The following GNAL variants were observed in gnomAD, a reference collection of about 807,000 sequenced individuals.
GNAL encodes guanine nucleotide-binding protein G(olf) subunit alpha.
GNAL carries 18 observed loss-of-function variants against 55.1 expected under a neutral mutation model. The ratio of observed to expected loss-of-function variants is 0.33; its 90% CI spans 0.23 to 0.48. GNAL has a LOEUF of 0.48. Ranked by LOEUF, GNAL falls within the 20% of genes least tolerant of loss-of-function variation. GNAL has a pLI of 0.99. For synonymous variants in GNAL, 253 were observed against 237.0 expected, an observed-to-expected ratio of 1.07 and a Z score of -0.62; for missense variants, 412 against 614.1, an observed-to-expected ratio of 0.67 and a Z score of 3.48.
At chr18:11,721,256 C>T (rs547032292) in intron 1 of GNAL, among the ~76,000 whole-genome samples, 10 of 152,302 alleles carry the variant, frequency 6.6e-5, no homozygotes, top group African/African-American at 1.9e-4. Context: ...CAGATTCAAA[C>T]ATTGTCCGCA....
intron 4 of GNAL, among the ~76,000 whole-genome samples, chr18:11,782,616 G>A (rs1032528803): frequency 1.2e-4 from 18 of 152,110 alleles, no homozygotes; most frequent in African/African-American, 4.3e-4. Flanking sequence ...TAAAATATTG[G>A]TTATTGATCC....
At chr18:11,732,973 G>A (rs2032373563) in intron 1 of GNAL, among the ~76,000 whole-genome samples, 1 of 152,190 alleles carries the variant, frequency 6.6e-6, no homozygotes, top group South Asian at 2.1e-4. Flanking sequence ...AGCTTTCTGG[G>A]CAGTGATTAA....
chr18:11,719,805 A>G (rs2032052960), intron 1 of GNAL, among the ~76,000 whole-genome samples: 1 of 152,150 alleles, frequency 6.6e-6, no homozygotes, highest in Admixed American at 6.5e-5. Flanking sequence ...CGCTCACACC[A>G]TGCTGCAGCG....
At chr18:11,851,017 A>G (rs1368546991) in intron 5 of GNAL, among the ~76,000 whole-genome samples, 1 of 152,220 alleles carries the variant, frequency 6.6e-6, no homozygotes, top group Non-Finnish European at 1.5e-5. Context: ...GTTAGTGCGA[A>G]GACCTAGCTG....
intron 1 of GNAL, among the ~76,000 whole-genome samples, chr18:11,749,567 C>T (rs1473192471): frequency 1.3e-5 from 2 of 152,158 alleles, no homozygotes; most frequent in East Asian, 1.9e-4. Flanking sequence ...AACCAGGTAC[C>T]GGTGCCGCAG....
intron 4 of GNAL, among the ~76,000 whole-genome samples, chr18:11,818,964 G>C (rs563336191): frequency 2.6e-4 from 39 of 152,302 alleles, no homozygotes; most frequent in Admixed American, 1.3e-3. Flanking sequence ...CCACAGGGCA[G>C]GGCTCAGTGT....
At position 11,716,896 on chromosome 18, in the gene GNAL, C is replaced by T. The variant is rs28888408; in HGVS notation, c.376+26957C>T. Reference sequence around the variant, plus strand: ...CCAGCTGGCTTCACCCAGTGGATCCCGCACGGGGGCTGCAGGTGGAGCTGC... The same window carrying T: ...CCAGCTGGCTTCACCCAGTGGATCCTGCACGGGGGCTGCAGGTGGAGCTGC... On this transcript the variant is annotated intron_variant, in intron 1 of 11. Coordinates refer to ENST00000334049, the MANE Select transcript of GNAL (RefSeq NM_182978.4). Among the ~76,000 whole-genome samples the T allele has an allele frequency of 7.6e-3, 1,152 of 152,358 alleles. 13 individuals carry two copies. The highest frequency in any genetic ancestry group is 0.026 in the African/African-American group (1,085 of 41,580).
chr18:11,827,971 A>G (rs9963378), intron 5 of GNAL, among the ~76,000 whole-genome samples: 44,902 of 149,480 alleles, frequency 0.3, 8,128 homozygotes, highest in African/African-American at 0.5. Flanking sequence ...ACTCCGTCTC[A>G]AGGAAAAAAA....
chr18:11,854,229 C>CA (rs2035950553), intron 5 of GNAL: 1 of 167,072 alleles, frequency 6.0e-6, no homozygotes, highest in Non-Finnish European at 1.5e-5. Flanking sequence ...ATATTCCCAA[C>CA]AAAATTAATA....
intron 4 of GNAL, among the ~76,000 whole-genome samples, chr18:11,757,996 AG>A (rs2033116396): frequency 6.6e-6 from 1 of 152,150 alleles, no homozygotes; most frequent in South Asian, 2.1e-4. Context: ...AGGAAGGCTG[AG>A]GAGCCAGGCA....
chr18:11,856,723 C>T (rs1044716310), intron 5 of GNAL, among the ~76,000 whole-genome samples: 8 of 151,850 alleles, frequency 5.3e-5, no homozygotes, highest in African/African-American at 1.2e-4. Context: ...GTCAGGAGTT[C>T]GAGACCAGCC....
At chr18:11,712,304 G>A (rs184623800) in intron 1 of GNAL, among the ~76,000 whole-genome samples, 2 of 152,294 alleles carry the variant, frequency 1.3e-5, no homozygotes, top group African/African-American at 2.4e-5. Flanking sequence ...TGGTCTTTCT[G>A]GGCACTGTGC....
intron 1 of GNAL, among the ~76,000 whole-genome samples, chr18:11,744,796 G>C (rs1388104916): frequency 6.6e-6 from 1 of 152,130 alleles, no homozygotes; most frequent in African/African-American, 2.4e-5. Flanking sequence ...CTGCAGCCTC[G>C]ACCTCCTGGG....
At chr18:11,857,785 C>A (rs1166313534) in intron 5 of GNAL, 2 of 967,932 alleles carry the variant, frequency 2.1e-6, no homozygotes, top group African/African-American at 1.8e-5. Flanking sequence ...TTTGTCACCA[C>A]GTGAGTAATG....
rs1281105907 is a variant in GNAL at position 11,689,625 on chromosome 18, C to T, written c.62C>T (p.Ala21Val). 5 of 1,360,014 alleles carry T rather than the reference C, an allele frequency of 3.7e-6. No individual in the cohort carries two copies. The highest frequency in any genetic ancestry group is 3.9e-5 in the Admixed American group (1 of 25,634). The allele number at this position is 1,360,014 out of a possible 1,614,324, so 84.2% of individuals were successfully genotyped here. Residue 21 changes from alanine to valine, a missense_variant, in exon 1 of 12, where the codon GCG becomes GTG. Transcript: ENST00000334049. Reference protein sequence around the residue: ...LFGGPGDDPCAASEPPVEDAQ... With the variant: ...LFGGPGDDPCVASEPPVEDAQ... ...GGGGGCCCAGGGGACGACCCCTGCG[C>T]GGCCTCGGAGCCGCCGGTGGAGGAC...
chr18:11,717,366 G>T (rs564101109), intron 1 of GNAL, among the ~76,000 whole-genome samples: 2 of 152,348 alleles, frequency 1.3e-5, no homozygotes, highest in African/African-American at 4.8e-5. Context: ...TGCAGTGGCG[G>T]GTTGAAGGGC....
chr18:11,816,400 G>A (rs961362046), intron 4 of GNAL, among the ~76,000 whole-genome samples: 12 of 152,026 alleles, frequency 7.9e-5, no homozygotes, highest in Admixed American at 1.3e-4. Flanking sequence ...GGGTTCAAGC[G>A]ATTCTCCTGC....
chr18:11,738,891 G>C (rs1418428102), intron 1 of GNAL, among the ~76,000 whole-genome samples: 1 of 152,204 alleles, frequency 6.6e-6, no homozygotes, highest in East Asian at 1.9e-4. Context: ...CAGGACGGCA[G>C]TGACCTGGGG....
Position 11,753,798 on chromosome 18 carries a change from CCA to C in GNAL, c.505-27_505-26del, listed in dbSNP as rs1195975487. 6 of 1,572,090 alleles carry C rather than the reference CCA, an allele frequency of 3.8e-6. No individual in the cohort carries two copies. The African/African-American group carries it at 8.2e-5, about 21-fold the overall frequency. On this transcript the variant is annotated intron_variant, in intron 3 of 11. Transcript: ENST00000334049. ...TCATACATGGAGCCTAAATGTTTAT[CCA>C]TATTTTTTTTCTTATTCCATTTTAG...
Sources: allele counts gnomAD v4.1 joint callset (sites outside exome capture counted in the v4.1 genomes callset), GRCh38; gene constraint gnomAD v4.1.1; transcripts MANE v1.5; gene names NCBI Gene and HGNC (gene_info 2026-07-23, HGNC 2026-07-21).